Variants in ALG14 observed in about 807,000 individuals in gnomAD.
ALG14 encodes the protein ALG14 UDP-N-acetylglucosaminyltransferase subunit.
Under a neutral mutation model 22.8 loss-of-function variants are expected in ALG14, and 17 were observed. The ratio of observed to expected loss-of-function variants is 0.75; its 90% CI spans 0.51 to 1.12. The LOEUF (loss-of-function observed/expected upper bound fraction) is 1.12. ALG14 is among the 50% of genes most tolerant of loss of function. The pLI, the probability that ALG14 is intolerant of heterozygous loss-of-function variation, is 0.00. For synonymous variants in ALG14, 89 were observed against 103.7 expected (o/e 0.86, Z 0.86); for missense variants, 288 against 271.8 (o/e 1.06, Z -0.42).
rs767937526 is a variant in ALG14, at chr1:94,983,187, C to T, written c.540G>A (p.Thr180=). 50 of 1,613,970 alleles carry T rather than the reference C, an allele frequency of 3.1e-5. No homozygotes were observed. The East Asian group carries it at 6.0e-4, about 19-fold the overall frequency. The stretch of plus-strand genomic sequence containing the variant: ...ACAGAATCTTTCCGGACATGGATAA[C>T]GTTTCTACACGGCAGATGCTTTCAA... The part of the protein sequence containing the change: ...VYVESICRVE[T]LSMSGKILFH... Residue 180 remains threonine, a synonymous_variant, in exon 4 of 4, where the codon ACG becomes ACA. Transcript: ENST00000370205.
At chr1:95,050,728 G>A (rs1187678787) in intron 2 of ALG14, among the ~76,000 whole-genome samples, 1 of 152,062 alleles carries the variant, frequency 6.6e-6, no homozygotes, top group African/African-American at 2.4e-5. Context: ...GAGGAGAAAA[G>A]CCTACAAAAA....
At position 94,980,596 on chromosome 1, in the gene ALG14, GA is replaced by G. The variant is rs1672476378; in HGVS notation, c.*2479del. Reference sequence around the variant, plus strand: ...GCGCACTATCTTTCTGAATGTCACAGAAATGCACAGCAGGGAAATTGTGCCA... The same window carrying G: ...GCGCACTATCTTTCTGAATGTCACAGAATGCACAGCAGGGAAATTGTGCCA... On this transcript the variant is annotated 3_prime_UTR_variant, in exon 4 of 4. Transcript: ENST00000370205. The G allele has an allele frequency of 6.6e-6, 1 of 152,186 alleles. No homozygotes were observed. Among genetic ancestry groups the G allele is most frequent in the South Asian group, 2.1e-4 (1 of 4,824 alleles). 9.4% of individuals were successfully genotyped at this position (152,186 alleles called of 1,614,324 possible).
chr1:95,007,754 A>C (rs531527701), intron 3 of ALG14, among the ~76,000 whole-genome samples: 1 of 152,244 alleles, frequency 6.6e-6, no homozygotes, highest in African/African-American at 2.4e-5. Flanking sequence ...AAGGAAGCCA[A>C]TCTGACATGA....
intron 1 of ALG14, among the ~76,000 whole-genome samples, chr1:95,067,903 C>G (rs936542314): frequency 6.6e-6 from 1 of 152,166 alleles, no homozygotes; most frequent in Admixed American, 6.5e-5. Context: ...ATCTCCTGTT[C>G]CTCCCCGCTT....
intron 1 of ALG14, among the ~76,000 whole-genome samples, chr1:95,069,248 T>C (rs1421966154): frequency 6.6e-6 from 1 of 152,176 alleles, no homozygotes; most frequent in Non-Finnish European, 1.5e-5. Flanking sequence ...GGAGGCTGTC[T>C]CAGAATCGCT....
rs1672403123 is a variant in ALG14, at chr1:94,976,712, T to C, written c.*6364A>G. 1 of 151,768 alleles carries C rather than the reference T, an allele frequency of 6.6e-6. No individual in the cohort carries two copies. Among genetic ancestry groups the C allele is most frequent in the African/African-American group, 2.4e-5 (1 of 41,322 alleles). The allele number at this position is 151,768 out of a possible 1,614,324, so 9.4% of individuals were successfully genotyped here. A position where few individuals can be genotyped will look rare whatever the true frequency, so the allele number is the denominator to read the frequency against. Reference sequence around the variant, plus strand: ...GTCTTAAAGAAAAAAAAAAAAGATGTCCCCTAATATTCCACCCCCTGATTT... The same window carrying C: ...GTCTTAAAGAAAAAAAAAAAAGATGCCCCCTAATATTCCACCCCCTGATTT... On this transcript the variant is annotated 3_prime_UTR_variant, in exon 4 of 4. Coordinates refer to ENST00000370205, the MANE Select transcript of ALG14 (RefSeq NM_144988.4).
At chr1:95,012,566 G>T (rs761507868) in intron 3 of ALG14, among the ~76,000 whole-genome samples, 4 of 152,212 alleles carry the variant, frequency 2.6e-5, no homozygotes, top group Non-Finnish European at 4.4e-5. Context: ...AGATTTGGTA[G>T]TCATGAAAGC....
chr1:95,005,160 G>A lies in ALG14; in HGVS notation c.421-21854C>T, dbSNP rs182691716. On this transcript the variant is annotated intron_variant, in intron 3 of 3. Transcript: ENST00000370205. ...ACAGAGGAAAAGACATTGAAGCCAG[G>A]TCTTGATGCATGAGGATAAGTCTTT... 3.6e-3 allele frequency among the ~76,000 whole-genome samples: 545 copies of A among 152,292 alleles called. 1 individual carries two copies. Among genetic ancestry groups the A allele is most frequent in the Non-Finnish European group, 5.8e-3 (393 of 68,034 alleles).
chr1:95,072,674 T>C, intron 1 of ALG14, 89 bp downstream of exon 1: 1 of 1,537,518 alleles, frequency 6.5e-7, no homozygotes, highest in Non-Finnish European at 8.9e-7. Flanking sequence ...CTCCAAGAAG[T>C]GCTAAGGGTA....
At chr1:95,049,205 G>C (rs1674663552) in intron 2 of ALG14, among the ~76,000 whole-genome samples, 1 of 152,026 alleles carries the variant, frequency 6.6e-6, no homozygotes, top group Admixed American at 6.6e-5. Flanking sequence ...GCTATGAAAG[G>C]TTATAATTAC....
intron 2 of ALG14, among the ~76,000 whole-genome samples, chr1:95,044,190 G>C (rs1036306279): frequency 2.0e-5 from 3 of 151,976 alleles, no homozygotes; most frequent in African/African-American, 4.8e-5. Context: ...CTTACTCCTG[G>C]CCCTCCTGAT....
At chr1:94,986,237 C>T (rs1468560532) in intron 3 of ALG14, among the ~76,000 whole-genome samples, 1 of 152,264 alleles carries the variant, frequency 6.6e-6, no homozygotes, top group African/African-American at 2.4e-5. Context: ...CTCTTCCTCA[C>T]TACTCTGTAA....
At chr1:95,063,034 G>A (rs181067309) in intron 2 of ALG14, among the ~76,000 whole-genome samples, 8 of 152,178 alleles carry the variant, frequency 5.3e-5, no homozygotes, top group African/African-American at 1.4e-4. Flanking sequence ...TTTGATTTGC[G>A]TTTCTCTAAT....
At chr1:95,028,095 T>A (rs1197414694) in intron 2 of ALG14, among the ~76,000 whole-genome samples, 2 of 152,198 alleles carry the variant, frequency 1.3e-5, no homozygotes, top group African/African-American at 4.8e-5. Flanking sequence ...TTTAATATAA[T>A]CCAGCATCAA....
At chr1:95,062,774 C>A (rs1397056497) in intron 2 of ALG14, among the ~76,000 whole-genome samples, 15 of 152,174 alleles carry the variant, frequency 9.9e-5, no homozygotes, top group Non-Finnish European at 1.8e-4. Context: ...GTGCATGTAT[C>A]TTTACAACAG....
intron 2 of ALG14, among the ~76,000 whole-genome samples, chr1:95,033,400 TAC>T (rs1553229110): frequency 7.8e-4 from 88 of 113,500 alleles, no homozygotes; most frequent in African/African-American, 2.7e-3. Flanking sequence ...CATACATACA[TAC>T]ATATATATAT....
At chr1:95,018,008 G>A (rs139149300) in intron 3 of ALG14, among the ~76,000 whole-genome samples, 3 of 152,214 alleles carry the variant, frequency 2.0e-5, no homozygotes, top group Non-Finnish European at 4.4e-5. Context: ...CTATTTGATA[G>A]GAAGGAGAAG....
chr1:95,042,902 C>T (rs769056298), intron 2 of ALG14, among the ~76,000 whole-genome samples: 1 of 152,176 alleles, frequency 6.6e-6, no homozygotes, highest in Non-Finnish European at 1.5e-5. Context: ...GGACTTGCAA[C>T]ATCCAGTTTG....
chr1:95,071,026 C>A (rs1438750940), intron 1 of ALG14, among the ~76,000 whole-genome samples: 1 of 152,178 alleles, frequency 6.6e-6, no homozygotes, highest in East Asian at 1.9e-4. Context: ...CAGGTGTGAA[C>A]CATCACGCCC....
Sources: allele counts gnomAD v4.1 joint callset (sites outside exome capture counted in the v4.1 genomes callset), GRCh38; gene constraint gnomAD v4.1.1; transcripts MANE v1.5; gene names NCBI Gene and HGNC (gene_info 2026-07-23, HGNC 2026-07-21).